CACNA1A: variants seen among roughly 807,000 people sequenced by gnomAD.
The protein encoded by CACNA1A is voltage-dependent P/Q-type calcium channel subunit alpha-1A.
CACNA1A carries 57 observed loss-of-function variants against 262.4 expected under a neutral mutation model. The observed-to-expected ratio is 0.22, with a 90% CI of 0.18 to 0.27. CACNA1A has a LOEUF of 0.27. Ranked by LOEUF, CACNA1A falls within the 10% of genes least tolerant of loss-of-function variation. The pLI is 1.00. For missense variants in CACNA1A, 2,526 were observed against 3,562.8 expected (o/e 0.71, Z 7.41); for synonymous variants, 1,431 against 1,419.3 (o/e 1.01, Z -0.18).
rs185404450 is a variant in CACNA1A, at chr19:13,270,423, G to A, written c.3989+5427C>T. The stretch of plus-strand genomic sequence containing the variant: ...GACCCTGGGGTGGGGGGTGGGGGGC[G>A]GGTGGAGAGTTCAGCGCTCAGGCTG... On this transcript the variant is annotated intron_variant, in intron 24 of 46. Transcript: ENST00000360228. Among the ~76,000 whole-genome samples, 352 of 131,226 alleles carry A rather than the reference G, an allele frequency of 2.7e-3. 3 individuals are homozygous for A. The highest frequency in any genetic ancestry group is 9.6e-3 in the African/African-American group (344 of 35,840). 86.1% of individuals were successfully genotyped at this position (131,226 alleles called of 152,430 possible).
intron 31 of CACNA1A, among the ~76,000 whole-genome samples, chr19:13,239,349 G>T (rs1419964682): frequency 6.6e-6 from 1 of 152,166 alleles, no homozygotes; most frequent in African/African-American, 2.4e-5. Flanking sequence ...CCTGGGCCTG[G>T]AATGCTCTGT....
intron 1 of CACNA1A, among the ~76,000 whole-genome samples, chr19:13,473,265 A>AAGAG (rs1555792207): frequency 1.3e-5 from 2 of 151,772 alleles, no homozygotes; most frequent in African/African-American, 4.8e-5. Context: ...AAAAAAAAAA[A>AAGAG]AGAGAGAGAG....
chr19:13,299,096 T>C lies in CACNA1A; in HGVS notation c.2537A>G (p.Asp846Gly). Residue 846 changes from aspartate (D) to glycine (G), a missense_variant, in exon 19 of 47, where the codon GAC becomes GGC. Around this residue, in one of 17 missense-constraint regions of CACNA1A, gnomAD observed 765 missense variants for 748.6 expected, o/e 1.02. Transcript: ENST00000360228. ...NKSRAAEPTV[D>G]QRLGQQRAED... ...GGCGCGCTGCTGGCCGAGGCGCTGG[T>C]CCACGGTGGGCTCGGCCGCCCGGCT... 6.2e-7 allele frequency: 1 copy of C among 1,611,806 alleles called. No individual in the cohort carries two copies. The highest frequency in any genetic ancestry group is 1.7e-4 in the Middle Eastern group (1 of 6,058).
At chr19:13,263,096 C>A in intron 24 of CACNA1A, 3 of 475,720 alleles carry the variant, frequency 6.3e-6, no homozygotes, top group Non-Finnish European at 1.2e-5. Flanking sequence ...TGGGCCTGAG[C>A]AGCTGTATTG....
chr19:13,493,891 T>C (rs1981191879), intron 1 of CACNA1A, among the ~76,000 whole-genome samples: 2 of 152,238 alleles, frequency 1.3e-5, no homozygotes, highest in Admixed American at 1.3e-4. Context: ...AGCACCACTG[T>C]ATGAATTTAA....
chr19:13,442,137 C>T (rs1025729364), intron 3 of CACNA1A, among the ~76,000 whole-genome samples: 3 of 151,958 alleles, frequency 2.0e-5, no homozygotes, highest in African/African-American at 7.3e-5. Flanking sequence ...CCGAGTAGAC[C>T]CCAAGGCAAA....
At chr19:13,355,311 G>A (rs1356180834) in intron 6 of CACNA1A, among the ~76,000 whole-genome samples, 1 of 152,230 alleles carries the variant, frequency 6.6e-6, no homozygotes, top group Non-Finnish European at 1.5e-5. Context: ...AGGCTTTTGA[G>A]GGGCGTGTTG....
At chr19:13,403,676 C>A (rs2059950369) in intron 3 of CACNA1A, among the ~76,000 whole-genome samples, 1 of 152,142 alleles carries the variant, frequency 6.6e-6, no homozygotes, top group Non-Finnish European at 1.5e-5. Flanking sequence ...TGGCTCATGC[C>A]TGTAATCCCA....
intron 19 of CACNA1A, among the ~76,000 whole-genome samples, chr19:13,293,205 T>C (rs974588860): frequency 6.6e-6 from 1 of 152,074 alleles, no homozygotes; most frequent in Non-Finnish European, 1.5e-5. Flanking sequence ...ATTGAGTACT[T>C]AATAATATTC....
chr19:13,469,615 A>ATTTTT (rs745335031), intron 1 of CACNA1A, among the ~76,000 whole-genome samples: 69 of 133,804 alleles, frequency 5.2e-4, no homozygotes, highest in African/African-American at 1.8e-3. Context: ...CGCCTGGCTA[A>ATTTTT]TTTTTTTTTT....
chr19:13,501,416 C>A (rs989474596), intron 1 of CACNA1A, among the ~76,000 whole-genome samples: 1 of 151,978 alleles, frequency 6.6e-6, no homozygotes, highest in Non-Finnish European at 1.5e-5. Flanking sequence ...CCTCATGATC[C>A]ACCGGCCTCA....
chr19:13,259,325 TTTTTTTTTTTTTTTTTTG>T (rs983839221), intron 27 of CACNA1A: 8 of 120,472 alleles, frequency 6.6e-5, no homozygotes, highest in Middle Eastern at 3.4e-3. Flanking sequence ...TTTTTTTTTT[TTTTTTTTTTTTTTTTTTG>T]GGATTTTTAG....
intron 3 of CACNA1A, among the ~76,000 whole-genome samples, chr19:13,405,211 G>C (rs1216264974): frequency 6.6e-6 from 1 of 151,458 alleles, no homozygotes; most frequent in Non-Finnish European, 1.5e-5. Flanking sequence ...TATTATTTTT[G>C]AGATAGGGTC....
At chr19:13,464,358 C>T (rs1568671279) in intron 1 of CACNA1A, among the ~76,000 whole-genome samples, 1 of 152,078 alleles carries the variant, frequency 6.6e-6, no homozygotes, top group Non-Finnish European at 1.5e-5. Flanking sequence ...ATGATCATAC[C>T]ATGGCACTCC....
chr19:13,332,165 C>T (rs2058478948), intron 9 of CACNA1A, among the ~76,000 whole-genome samples: 1 of 152,080 alleles, frequency 6.6e-6, no homozygotes, highest in Non-Finnish European at 1.5e-5. Context: ...TTTTGGGAGG[C>T]CAAGGTGTGC....
At chr19:13,283,675 C>T (rs1433112201) in intron 21 of CACNA1A, 1 of 306,658 alleles carries the variant, frequency 3.3e-6, no homozygotes, top group South Asian at 6.3e-5. Flanking sequence ...GATCCCCAAG[C>T]TAGGTTGAAG....
chr19:13,462,598 T>C (rs575160181), intron 1 of CACNA1A, among the ~76,000 whole-genome samples: 6 of 152,242 alleles, frequency 3.9e-5, no homozygotes, highest in Non-Finnish European at 8.8e-5. Context: ...TTTCAGTTAA[T>C]TCCTTGCAAC....
rs372083869 is a variant in CACNA1A at position 13,230,093 on chromosome 19, G to T, written c.5517C>A (p.Asp1839Glu). The T allele has an allele frequency of 6.2e-7, 1 of 1,613,640 alleles. No homozygotes were observed. Among genetic ancestry groups the T allele is most frequent in the Non-Finnish European group, 8.5e-7 (1 of 1,179,714 alleles). Residue 1839 changes from aspartate to glutamate, a missense_variant, in exon 36 of 47, where the codon GAC becomes GAA. By Grantham distance (45) the Asp-to-Glu change is conservative. This residue lies in a region of CACNA1A where 112 missense variants were observed against 197.2 expected (regional missense o/e 0.57). Transcript: ENST00000360228. Reference sequence around the variant, plus strand: ...GGGTGACTTCTTACCAAGCTGCGGGGTCATACTCGGCCCAGACACGCACGT... The same window carrying T: ...GGGTGACTTCTTACCAAGCTGCGGGTTCATACTCGGCCCAGACACGCACGT... ...DEYVRVWAEY[D>E]PAAWGRMPYL...
At chr19:13,213,200 C>G (rs2054881852) in intron 40 of CACNA1A, among the ~76,000 whole-genome samples, 1 of 152,248 alleles carries the variant, frequency 6.6e-6, no homozygotes, top group Non-Finnish European at 1.5e-5. Flanking sequence ...TTCCACCACA[C>G]TGGCCTCTTT....
Sources: gnomAD v4.1 joint callset for allele counts (sites outside exome capture counted in the v4.1 genomes callset) on GRCh38, gnomAD v4.1.1 for gene constraint, gnomAD v4.1.1 regional missense constraint, MANE v1.5 for transcripts, NCBI Gene and HGNC (gene_info 2026-07-23, HGNC 2026-07-21) for gene names.